PCDH15: variants seen among roughly 807,000 people sequenced by gnomAD.
The protein encoded by PCDH15 is protocadherin related 15, also known as protocadherin-15.
Under a neutral mutation model 178.5 loss-of-function variants are expected in PCDH15, and 129 were observed. The observed-to-expected ratio is 0.72, with a 90% CI of 0.63 to 0.84. The LOEUF (loss-of-function observed/expected upper bound fraction) is 0.84. PCDH15 is among the 40% of genes least tolerant of loss of function. The pLI is 0.00. For synonymous variants in PCDH15, 800 were observed against 732.0 expected (o/e 1.09, Z -1.50); for missense variants, 2,230 against 2,099.9 (o/e 1.06, Z -1.21).
intron 2 of PCDH15, among the ~76,000 whole-genome samples, chr10:55,463,609 T>C (rs1839726209): frequency 6.6e-6 from 1 of 152,012 alleles, no homozygotes; most frequent in Non-Finnish European, 1.5e-5. Context: ...CAGTGAGCCA[T>C]GATCACGCCA....
intron 2 of PCDH15, among the ~76,000 whole-genome samples, chr10:55,464,860 T>G (rs572315187): frequency 1.3e-4 from 20 of 148,846 alleles, no homozygotes; most frequent in African/African-American, 4.4e-4. Context: ...ATTTTCACAA[T>G]TTACAAATTG....
chr10:54,975,321 C>A (rs536862544), intron 2 of PCDH15, among the ~76,000 whole-genome samples: 1 of 152,244 alleles, frequency 6.6e-6, no homozygotes, highest in South Asian at 2.1e-4. Flanking sequence ...GTTTCAACTA[C>A]CTAATTTAGG....
intron 2 of PCDH15, among the ~76,000 whole-genome samples, chr10:54,596,299 G>A (rs938260475): frequency 6.6e-6 from 1 of 152,138 alleles, no homozygotes; most frequent in Non-Finnish European, 1.5e-5. Context: ...AGAGATTTGG[G>A]ACCTATATTC....
intron 13 of PCDH15, among the ~76,000 whole-genome samples, chr10:54,182,861 A>T (rs570910023): frequency 2.6e-5 from 4 of 151,666 alleles, no homozygotes; most frequent in African/African-American, 7.2e-5. Flanking sequence ...TTTTTTTTTT[A>T]AAGTAACAAC....
Position 54,055,995 on chromosome 10 carries a change from A to G in PCDH15, c.2220+10762T>C, listed in dbSNP as rs549053460. ...TCAGGTTTATAATGAGACCAGATTCATCTGTCTGACTGTTACACATTAGCA... is the reference window on the plus strand; with the variant it reads ...TCAGGTTTATAATGAGACCAGATTCGTCTGTCTGACTGTTACACATTAGCA... On this transcript the variant is annotated intron_variant, in intron 18 of 37. Coordinates refer to ENST00000644397, the MANE Select transcript of PCDH15 (RefSeq NM_001384140.1). Among the ~76,000 whole-genome samples the G allele has an allele frequency of 6.6e-5, 10 of 152,342 alleles. No homozygotes were observed. The East Asian group carries it at 1.9e-3, about 29-fold the overall frequency.
chr10:54,886,516 C>T (rs577781404), intron 3 of PCDH15, among the ~76,000 whole-genome samples: 3 of 152,342 alleles, frequency 2.0e-5, no homozygotes, highest in South Asian at 4.1e-4. Flanking sequence ...AATCCCAGCA[C>T]TTTGGGAGGC....
intron 2 of PCDH15, chr10:54,640,941 T>A (rs1050097992): frequency 6.3e-6 from 1 of 159,608 alleles, no homozygotes; most frequent in African/African-American, 2.4e-5. Flanking sequence ...TCATCTCTAC[T>A]AAAAATACAA....
At chr10:54,598,305 C>A (rs969474337) in intron 2 of PCDH15, among the ~76,000 whole-genome samples, 10 of 152,008 alleles carry the variant, frequency 6.6e-5, no homozygotes, top group Admixed American at 5.9e-4. Context: ...CCCTGGGATG[C>A]AAGGTTTGTT....
intron 2 of PCDH15, chr10:55,469,180 A>G (rs1355570398): frequency 1.3e-5 from 2 of 152,156 alleles, no homozygotes; most frequent in Non-Finnish European, 2.9e-5. Context: ...CTTATGGATG[A>G]TACAATAGAG....
chr10:54,867,109 T>C (rs990964462), intron 3 of PCDH15, among the ~76,000 whole-genome samples: 1 of 152,152 alleles, frequency 6.6e-6, no homozygotes, highest in Non-Finnish European at 1.5e-5. Flanking sequence ...AATATTTCCT[T>C]GGTATTACTA....
chr10:54,470,535 C>A (rs2136675728), intron 3 of PCDH15, among the ~76,000 whole-genome samples: 1 of 152,244 alleles, frequency 6.6e-6, no homozygotes, highest in East Asian at 1.9e-4. Flanking sequence ...GTGGGTATGG[C>A]ACCCATTCTT....
intron 1 of PCDH15, among the ~76,000 whole-genome samples, chr10:54,708,556 C>G (rs537298095): frequency 3.3e-5 from 5 of 152,222 alleles, no homozygotes; most frequent in African/African-American, 9.6e-5. Flanking sequence ...TCTATTACAG[C>G]AGCCATGTGA....
intron 2 of PCDH15, among the ~76,000 whole-genome samples, chr10:54,572,232 G>C (rs2089936790): frequency 1.3e-5 from 2 of 152,122 alleles, no homozygotes; most frequent in South Asian, 4.1e-4. Context: ...TACTTATTGA[G>C]TACCTGCTAT....
intron 8 of PCDH15, among the ~76,000 whole-genome samples, chr10:54,241,337 C>T (rs2055269578): frequency 1.3e-5 from 2 of 152,298 alleles, no homozygotes; most frequent in South Asian, 2.1e-4. Flanking sequence ...ATTAGAAGTC[C>T]ACCCATAGCT....
intron 1 of PCDH15, among the ~76,000 whole-genome samples, chr10:55,302,508 T>G (rs1182763379): frequency 6.6e-6 from 1 of 152,014 alleles, no homozygotes; most frequent in Admixed American, 6.6e-5. Flanking sequence ...AAAACCGTAT[T>G]TTGCACCTAG....
intron 23 of PCDH15, among the ~76,000 whole-genome samples, chr10:53,946,528 C>T (rs2086590737): frequency 6.6e-6 from 1 of 152,108 alleles, no homozygotes; most frequent in African/African-American, 2.4e-5. Context: ...TCAATATGTG[C>T]TTAAGTTTCC....
chr10:53,817,142 T>G (rs1207493787), intron 34 of PCDH15, among the ~76,000 whole-genome samples: 8 of 150,530 alleles, frequency 5.3e-5, no homozygotes, highest in Admixed American at 5.3e-4. Flanking sequence ...AGGGATATCC[T>G]TTTTATAATA....
At chr10:54,723,777 C>T (rs66628703) in intron 1 of PCDH15, among the ~76,000 whole-genome samples, 18,469 of 151,584 alleles carry the variant, frequency 0.12, 1,253 homozygotes, top group African/African-American at 0.17. Context: ...AGCCAACAAA[C>T]ACATAAAAAA....
In PCDH15 at chr10:53,959,778, C is replaced by G. The variant is rs1472312469; in HGVS notation, c.3076G>C (p.Val1026Leu). ...MSSSATVKIL[V>L]LHPGEIPRFT... ...CGTGGGATCTCACCAGGATGTAAGA[C>G]AAGAATCTTCACTGTGGCACTGCTG... The change falls in exon 23 of 38, where the codon GTC (valine) becomes CTC (leucine). Residue 1026 changes from valine (V) to leucine (L), a missense_variant. Transcript: ENST00000644397. The G allele has an allele frequency of 1.9e-6, 3 of 1,613,902 alleles. No homozygotes were observed. The highest frequency in any genetic ancestry group is 1.7e-6 in the Non-Finnish European group (2 of 1,179,974).
Sources: allele counts gnomAD v4.1 joint callset (sites outside exome capture counted in the v4.1 genomes callset), GRCh38; gene constraint gnomAD v4.1.1; transcripts MANE v1.5; gene names NCBI Gene and HGNC (gene_info 2026-07-23, HGNC 2026-07-21).